The following CSRP2 variants were observed in gnomAD, a reference collection of about 807,000 sequenced individuals.
The protein encoded by CSRP2 is cysteine and glycine-rich protein 2.
A neutral mutation model predicts 24.6 loss-of-function variants in CSRP2; 18 were observed. That is an observed-to-expected ratio of 0.73 (90% CI 0.51 to 1.09). The LOEUF (loss-of-function observed/expected upper bound fraction) is 1.09, where lower values mean the gene tolerates loss of function less well. Among genes scored for constraint, CSRP2 ranks in the 50% least tolerant of loss-of-function variants. The probability of loss-of-function intolerance (pLI) is 0.00; values close to 1 mark genes in which losing one functional copy is unlikely to be tolerated. For synonymous variants in CSRP2, 87 were observed against 84.3 expected, an observed-to-expected ratio of 1.03 and a Z score of -0.18; for missense variants, 215 against 239.4, an observed-to-expected ratio of 0.90 and a Z score of 0.67.
chr12:76,871,726 T>G (rs1953801617), intron 1 of CSRP2, among the ~76,000 whole-genome samples: 1 of 148,322 alleles, frequency 6.7e-6, no homozygotes, highest in Non-Finnish European at 1.5e-5. Flanking sequence ...ATAGTGCCAC[T>G]GCAGTCCCGC....
chr12:76,871,625 G>A (rs761651844), intron 1 of CSRP2, among the ~76,000 whole-genome samples: 35 of 152,100 alleles, frequency 2.3e-4, no homozygotes, highest in African/African-American at 4.8e-4. Context: ...TTAGCCGGGC[G>A]CGGTGGCAGG....
In CSRP2 at chr12:76,859,003, G is replaced by A; in HGVS notation, c.531C>T (p.Pro177=). Residue 177 remains proline, a synonymous_variant, in exon 6 of 6, where the codon CCC becomes CCT. Coordinates refer to ENST00000311083, the MANE Select transcript of CSRP2 (RefSeq NM_001321.3). ...CKGCYAKNFG[P]KGFGYGQGAG... ...CTCCTTGGCCATAGCCAAATCCCTT[G>A]GGCCCAAAGTTCTTTGCATAGCATC... 3 of 1,614,198 alleles carry A rather than the reference G, an allele frequency of 1.9e-6. No individual in the cohort carries two copies. Among genetic ancestry groups the A allele is most frequent in the African/African-American group, 1.3e-5 (1 of 75,062 alleles).
In CSRP2 at chr12:76,868,126, A is replaced by T. The variant is rs535570073; in HGVS notation, c.-1-1865T>A. The stretch of plus-strand genomic sequence containing the variant: ...GTCTCCTGGTGATGGATGGGCCACT[A>T]TTCTTGTTACCAATTTGAGACAAAC... On this transcript the variant is annotated intron_variant, in intron 1 of 5. Transcript: ENST00000311083. 2.0e-5 allele frequency among the ~76,000 whole-genome samples: 3 copies of T among 152,342 alleles called. No homozygotes were observed. The South Asian group carries it at 6.2e-4, about 32-fold the overall frequency.
chr12:76,863,010 A>T, intron 3 of CSRP2, 166 bp downstream of exon 3: 1 of 1,438,718 alleles, frequency 7.0e-7, no homozygotes, highest in East Asian at 2.5e-5. Context: ...GAACTTTGTT[A>T]GGTCCAAAAC....
chr12:76,864,175 C>T (rs571391906), intron 2 of CSRP2: 4 of 152,174 alleles, frequency 2.6e-5, no homozygotes, highest in African/African-American at 9.7e-5. Flanking sequence ...ATTTCATTTT[C>T]TAAAACTTCA....
intron 4 of CSRP2, 132 bp downstream of exon 4, chr12:76,860,152 G>A: frequency 4.4e-6 from 4 of 901,740 alleles, no homozygotes; most frequent in African/African-American, 1.7e-5. Flanking sequence ...TGATGGAAAT[G>A]CATTTAAAGA....
chr12:76,871,763 CA>C (rs5799293), intron 1 of CSRP2, among the ~76,000 whole-genome samples: 115,357 of 122,998 alleles, frequency 0.94, 53,998 homozygotes, highest in East Asian at 0.98. Context: ...GACTCCGACT[CA>C]AAAAAAAAAA....
intron 1 of CSRP2, among the ~76,000 whole-genome samples, chr12:76,869,573 CA>C (rs1565826503): frequency 1.5e-4 from 22 of 146,962 alleles, no homozygotes; most frequent in African/African-American, 4.6e-4. Flanking sequence ...CACACACACA[CA>C]CACACCCCTG....
intron 1 of CSRP2, among the ~76,000 whole-genome samples, chr12:76,871,043 T>G (rs1220128604): frequency 6.6e-6 from 1 of 151,386 alleles, no homozygotes; most frequent in Non-Finnish European, 1.5e-5. Context: ...GTTCTCTACT[T>G]TGTATGTCTG....
chr12:76,878,265 C>T (rs747648374), intron 1 of CSRP2: 1 of 152,202 alleles, frequency 6.6e-6, no homozygotes, highest in East Asian at 1.9e-4. Flanking sequence ...CTTCTTTGTA[C>T]CTGAATCGTA....
chr12:76,873,532 A>G (rs1953822803), intron 1 of CSRP2, among the ~76,000 whole-genome samples: 1 of 152,152 alleles, frequency 6.6e-6, no homozygotes, highest in Non-Finnish European at 1.5e-5. Context: ...CCAAATCCTC[A>G]ACCTGGCCTT....
At chr12:76,877,694 A>C (rs1354012758) in intron 1 of CSRP2, among the ~76,000 whole-genome samples, 1 of 152,222 alleles carries the variant, frequency 6.6e-6, no homozygotes, top group Non-Finnish European at 1.5e-5. Context: ...TGACCCCAGG[A>C]GTACTGGGGG....
Position 76,860,236 on chromosome 12 carries a change from G to T in CSRP2, c.411+48C>A, listed in dbSNP as rs766670335. 2.5e-6 allele frequency: 4 copies of T among 1,595,956 alleles called. No individual in the cohort carries two copies. The South Asian group carries it at 3.3e-5, about 13-fold the overall frequency. On this transcript the variant is annotated intron_variant, in intron 4 of 5. Transcript: ENST00000311083. ...ATGTGGAAGGGTTAGGGGAGAAAGG[G>T]AGCAGAGAGAAGTCATTTGCTGTTA...
At chr12:76,873,026 A>G (rs375777953) in intron 1 of CSRP2, among the ~76,000 whole-genome samples, 5 of 152,212 alleles carry the variant, frequency 3.3e-5, no homozygotes, top group African/African-American at 1.2e-4. Context: ...ACTTGAATCT[A>G]TGAAATTCAA....
chr12:76,871,624 C>T (rs985751885), intron 1 of CSRP2, among the ~76,000 whole-genome samples: 3 of 151,940 alleles, frequency 2.0e-5, no homozygotes, highest in Non-Finnish European at 2.9e-5. Context: ...CTTAGCCGGG[C>T]GCGGTGGCAG....
At chr12:76,875,678 C>T (rs1274711376) in intron 1 of CSRP2, among the ~76,000 whole-genome samples, 2 of 152,252 alleles carry the variant, frequency 1.3e-5, no homozygotes, top group Non-Finnish European at 2.9e-5. Flanking sequence ...GGGGACAATG[C>T]TTATTTATAC....
intron 3 of CSRP2, chr12:76,862,691 CAAAAAT>C (rs200867500): frequency 0.015 from 18,241 of 1,231,780 alleles, 148 homozygotes; most frequent in Non-Finnish European, 0.017. Context: ...CTCAAAGAAT[CAAAAAT>C]AAGAAGTAAT....
rs1343098106 is a variant in CSRP2, at chr12:76,863,237, C to A, written c.220G>T (p.Gly74Cys). The change falls in exon 3 of 6, where the codon GGC (glycine) becomes TGC (cysteine). Residue 74 changes from glycine to cysteine, a missense_variant. Gly to Cys is a radical substitution (Grantham distance 159). Transcript: ENST00000311083. ...ATGTTAAGCGTGCCAGCGCCCTGGC[C>A]ATAACCGTAGCCTTTTGGCCCATAC... ...KKYGPKGYGY[G>C]QGAGTLNMDR... is the part of the protein sequence containing the mutation. The A allele has an allele frequency of 6.2e-7, 1 of 1,614,246 alleles. No individual in the cohort carries two copies. The highest frequency in any genetic ancestry group is 8.5e-7 in the Non-Finnish European group (1 of 1,180,048).
At chr12:76,874,341 G>C (rs544828673) in intron 1 of CSRP2, among the ~76,000 whole-genome samples, 2 of 152,234 alleles carry the variant, frequency 1.3e-5, no homozygotes, top group Non-Finnish European at 2.9e-5. Flanking sequence ...CTTAGAATCA[G>C]ATAGACACAA....
Sources: allele counts gnomAD v4.1 joint callset (sites outside exome capture counted in the v4.1 genomes callset), GRCh38; gene constraint gnomAD v4.1.1; transcripts MANE v1.5; gene names NCBI Gene and HGNC (gene_info 2026-07-23, HGNC 2026-07-21).